Variants in RRBP1 observed in about 807,000 individuals in gnomAD.
The protein encoded by RRBP1 is ribosome binding protein 1.
RRBP1 carries 94 observed loss-of-function variants against 165.2 expected under a neutral mutation model. The observed-to-expected ratio is 0.57, with a 90% confidence interval of 0.48 to 0.68. The LOEUF is 0.68. Among genes scored for constraint, RRBP1 ranks in the 30% least tolerant of loss-of-function variants. The probability of loss-of-function intolerance (pLI) is 0.00; values close to 1 mark genes in which losing one functional copy is unlikely to be tolerated. For missense variants in RRBP1, 1,676 were observed against 1,763.0 expected, an observed-to-expected ratio of 0.95 and a Z score of 0.88; for synonymous variants, 680 against 714.5, an observed-to-expected ratio of 0.95 and a Z score of 0.77.
rs185093081 is a variant in RRBP1 at position 17,633,742 on chromosome 20, A to C, written c.2457-129T>G. The C allele has an allele frequency of 7.1e-5, 64 of 901,034 alleles. No individual in the cohort carries two copies. The African/African-American group carries it at 7.9e-4, about 11-fold the overall frequency. The allele number at this position is 901,034 out of a possible 1,614,324, so 55.8% of individuals were successfully genotyped here. ...GCCCAAGTCTTGAAGCCATTACCAA[A>C]GCCACTTTTCCATTATCAGCTGTGT... On this transcript the variant is annotated intron_variant, in intron 7 of 24. Transcript: ENST00000377813.
chr20:17,624,286 C>T (rs2035970095), intron 13 of RRBP1, among the ~76,000 whole-genome samples: 1 of 152,234 alleles, frequency 6.6e-6, no homozygotes, highest in East Asian at 1.9e-4. Context: ...GCACTTAGTG[C>T]ACTGTGTGCG....
At chr20:17,649,410 G>A (rs3790313) in intron 3 of RRBP1, among the ~76,000 whole-genome samples, 1,717 of 152,290 alleles carry the variant, frequency 0.011, 72 homozygotes, top group East Asian at 0.071. Context: ...CTGTCAAACA[G>A]GTAAAAATTC....
chr20:17,621,644 G>GACAGGGGAGCCCA (rs1568754731), intron 15 of RRBP1, 46 bp downstream of exon 15: 2 of 1,598,404 alleles, frequency 1.3e-6, no homozygotes, highest in Admixed American at 3.4e-5. Context: ...TCTTCCTGGG[G>GACAGGGGAGCCCA]ACAGGGGAGC....
In RRBP1 at chr20:17,658,635, C is replaced by A. The variant is rs896354500; in HGVS notation, c.1873G>T (p.Ala625Ser). The change falls in exon 3 of 25, where the codon GCC becomes TCC. Residue 625 changes from alanine (A) to serine (S), a missense_variant. Around this residue, in one of 5 missense-constraint regions of RRBP1, gnomAD observed 1,184 missense variants for 1,167.1 expected, o/e 1.01. Transcript: ENST00000377813. ...TTCTTTGAACCAGACTTCTTCTTGG[C>A]AGGAGCCTCTTGCTTTGGTGCCTCT... ...SPEAPKQEAP[A>S]KKKSGSKKKG... 2 of 1,609,842 alleles carry A rather than the reference C, an allele frequency of 1.2e-6. No individual in the cohort carries two copies. Among genetic ancestry groups the A allele is most frequent in the Non-Finnish European group, 1.7e-6 (2 of 1,178,348 alleles).
At chr20:17,663,110 A>G (rs981339431) in intron 2 of RRBP1, among the ~76,000 whole-genome samples, 18 of 152,326 alleles carry the variant, frequency 1.2e-4, no homozygotes, top group African/African-American at 4.1e-4. Context: ...ATAAACCCCG[A>G]ATCGTTTCCC....
At chr20:17,621,999 G>GCCCCA in intron 13 of RRBP1, 52 bp from the exon 14 acceptor site, 16 of 1,366,914 alleles carry the variant, frequency 1.2e-5, no homozygotes, top group Non-Finnish European at 1.6e-5. Flanking sequence ...GAGGTGTGGG[G>GCCCCA]CACCTCCCCA....
intron 2 of RRBP1, among the ~76,000 whole-genome samples, chr20:17,670,500 AC>A (rs1181699194): frequency 2.0e-5 from 3 of 150,320 alleles, no homozygotes; most frequent in Non-Finnish European, 4.4e-5. Flanking sequence ...ACAAATCTTT[AC>A]CCCCCCAAAT....
At chr20:17,619,897 T>G in intron 18 of RRBP1, 169 bp from the exon 19 acceptor site, 1 of 559,220 alleles carries the variant, frequency 1.8e-6, no homozygotes, top group Non-Finnish European at 3.2e-6. Context: ...GAGAACCCCT[T>G]ACGGAAAGTG....
chr20:17,639,530 A>T (rs1246496132), intron 5 of RRBP1, among the ~76,000 whole-genome samples: 1 of 152,046 alleles, frequency 6.6e-6, no homozygotes, highest in Non-Finnish European at 1.5e-5. Flanking sequence ...GAACTGCCAC[A>T]CTCTCTGGAA....
intron 12 of RRBP1, 35 bp downstream of exon 12, chr20:17,625,477 G>A (rs2035999050): frequency 6.3e-7 from 1 of 1,589,106 alleles, no homozygotes; most frequent in Non-Finnish European, 8.6e-7. Context: ...TGCTTCCCTG[G>A]CCCGTCCGTC....
chr20:17,660,499 A>C lies in RRBP1; in HGVS notation c.9T>G (p.Ile3Met). The C allele has an allele frequency of 1.9e-6, 3 of 1,612,726 alleles. No individual in the cohort carries two copies. Among genetic ancestry groups the C allele is most frequent in the Non-Finnish European group, 2.5e-6 (3 of 1,179,086 alleles). Residue 3 changes from isoleucine (I) to methionine (M), a missense_variant, in exon 3 of 25, where the codon ATT (isoleucine) becomes ATG (methionine). Around this residue, in one of 5 missense-constraint regions of RRBP1, gnomAD observed 392 missense variants for 382.5 expected, o/e 1.02. Coordinates refer to ENST00000377813, the MANE Select transcript of RRBP1 (RefSeq NM_001365613.2). The stretch of plus-strand genomic sequence containing the variant: ...CAACCCCCAAGGTTTGAGTGTCGTA[A>C]ATATCCATCCTGGCTTGCTTTCCTT... The part of the protein sequence containing the change: MD[I>M]YDTQTLGVVV...
intron 8 of RRBP1, among the ~76,000 whole-genome samples, chr20:17,632,633 T>C (rs1454343765): frequency 2.0e-5 from 3 of 150,304 alleles, no homozygotes; most frequent in Non-Finnish European, 4.4e-5. Context: ...CTGGTTTCAA[T>C]GATGGGACAG....
chr20:17,630,233 C>G (rs1253944872), intron 8 of RRBP1, among the ~76,000 whole-genome samples: 1 of 152,200 alleles, frequency 6.6e-6, no homozygotes, highest in Non-Finnish European at 1.5e-5. Context: ...TCAAGTGATT[C>G]ATGAAGACAT....
rs895978588 is a variant in RRBP1, at chr20:17,614,078, A to T, written c.*104T>A. ...CATGGCTTCTCTCGGAGCTACCGGA[A>T]GTTGGGCCTGGATAACGCTGTGTAG... On this transcript the variant is annotated 3_prime_UTR_variant, in exon 25 of 25. Transcript: ENST00000377813. 2.0e-5 allele frequency: 23 copies of T among 1,131,500 alleles called. No individual in the cohort carries two copies. The highest frequency in any genetic ancestry group is 1.3e-6 in the Non-Finnish European group (1 of 746,400). The allele number at this position is 1,131,500 out of a possible 1,614,324, so 70.1% of individuals were successfully genotyped here.
At chr20:17,620,149 G>T (rs1243681306) in intron 18 of RRBP1, 150 bp downstream of exon 18, 2 of 686,440 alleles carry the variant, frequency 2.9e-6, no homozygotes, top group Non-Finnish European at 5.2e-6. Context: ...GGAAAAACAG[G>T]ATGGACAAGA....
chr20:17,624,531 A>G, intron 13 of RRBP1, 45 bp downstream of exon 13: 1 of 1,251,722 alleles, frequency 8.0e-7, no homozygotes, highest in Non-Finnish European at 1.2e-6. Context: ...TGTGCATCCT[A>G]GTGCACTTTC....
intron 7 of RRBP1, among the ~76,000 whole-genome samples, chr20:17,634,571 G>A (rs149831858): frequency 3.4e-4 from 52 of 152,348 alleles, no homozygotes; most frequent in African/African-American, 1.1e-3. Flanking sequence ...TCCCGCTGCT[G>A]AGAGCCACCC....
At chr20:17,614,448 AGGGGCCCACACAG>A (rs1228727888) in intron 24 of RRBP1, among the ~76,000 whole-genome samples, 9 of 152,018 alleles carry the variant, frequency 5.9e-5, no homozygotes, top group Non-Finnish European at 4.4e-5. Context: ...GCACTGGCTA[AGGGGCCCACACAG>A]GTGCAAAGTG....
intron 19 of RRBP1, 182 bp downstream of exon 19, chr20:17,619,451 G>C (rs896949664): frequency 8.2e-6 from 4 of 487,012 alleles, no homozygotes; most frequent in Non-Finnish European, 1.4e-5. Context: ...AACCTGCCCT[G>C]AGAGACACCT....
Sources: gnomAD v4.1 joint callset for allele counts (sites outside exome capture counted in the v4.1 genomes callset) on GRCh38, gnomAD v4.1.1 for gene constraint, gnomAD v4.1.1 regional missense constraint, MANE v1.5 for transcripts, NCBI Gene and HGNC (gene_info 2026-07-23, HGNC 2026-07-21) for gene names.